CCL26: variants seen among roughly 807,000 people sequenced by gnomAD.
CCL26 encodes C-C motif chemokine ligand 26.
CCL26 carries 10 observed loss-of-function variants against 10.7 expected under a neutral mutation model. The ratio of observed to expected loss-of-function variants is 0.93; its 90% confidence interval spans 0.57 to 1.58. The LOEUF (loss-of-function observed/expected upper bound fraction) is 1.58, where lower values mean the gene tolerates loss of function less well. Ranked by LOEUF, CCL26 falls within the 40% of genes most tolerant of loss-of-function variation. CCL26 has a pLI of 0.00. For synonymous variants in CCL26, 43 were observed against 41.4 expected, an observed-to-expected ratio of 1.04 and a Z score of -0.15; for missense variants, 116 against 111.0, an observed-to-expected ratio of 1.05 and a Z score of -0.20.
chr7:75,776,553 GA>G (rs1554528729), upstream of CCL26, among the ~76,000 whole-genome samples: 1 of 107,330 alleles, frequency 9.3e-6, no homozygotes, highest in East Asian at 3.5e-4. Context: ...AGGAAGGAAG[GA>G]AGGAAGGAAG....
At chr7:75,783,715 A>T (rs1286838173) in intron 1 of CCL26, among the ~76,000 whole-genome samples, 1 of 148,000 alleles carries the variant, frequency 6.8e-6, no homozygotes, top group African/African-American at 2.5e-5. Context: ...TGAACCCGGT[A>T]GGTGGAGCTT....
intron 1 of CCL26, among the ~76,000 whole-genome samples, chr7:75,777,383 A>G (rs538365377): frequency 2.8e-4 from 42 of 152,314 alleles, no homozygotes; most frequent in Non-Finnish European, 4.7e-4. Context: ...TTAATAACAT[A>G]ATACAATACT....
upstream of CCL26, among the ~76,000 whole-genome samples, chr7:75,790,777 C>G (rs1554530731): frequency 6.6e-6 from 1 of 151,874 alleles, no homozygotes. Flanking sequence ...AATCCCGTCT[C>G]TATTAAAAAT....
chr7:75,776,229 GC>G (rs1802937607), upstream of CCL26, among the ~76,000 whole-genome samples: 1 of 151,496 alleles, frequency 6.6e-6, no homozygotes. Flanking sequence ...ACACCACCAT[GC>G]CCGACTAATT....
At chr7:75,776,238 A>G (rs1397662467), upstream of CCL26, among the ~76,000 whole-genome samples, 1 of 151,484 alleles carries the variant, frequency 6.6e-6, no homozygotes, top group African/African-American at 2.4e-5. Context: ...TGCCCGACTA[A>G]TTTTTGTATT....
intron 1 of CCL26, among the ~76,000 whole-genome samples, chr7:75,778,848 T>C (rs1328509577): frequency 1.3e-5 from 2 of 149,142 alleles, no homozygotes; most frequent in African/African-American, 5.1e-5. Flanking sequence ...GAGGCCAAGG[T>C]GGGGGGGGCA....
chr7:75,783,100 G>T (rs578162256), intron 1 of CCL26, among the ~76,000 whole-genome samples: 3 of 152,246 alleles, frequency 2.0e-5, no homozygotes, highest in African/African-American at 7.2e-5. Flanking sequence ...GAGGTGGTTG[G>T]AGCTGAAGAC....
At chr7:75,790,194 T>C (rs1454677990), upstream of CCL26, among the ~76,000 whole-genome samples, 1,814 of 97,618 alleles carry the variant, frequency 0.019, 37 homozygotes, top group South Asian at 0.071. Context: ...TTTCTTTCTT[T>C]CTTTCTTTCT....
chr7:75,786,003 C>T (rs1803177459), intron 1 of CCL26, among the ~76,000 whole-genome samples: 1 of 152,200 alleles, frequency 6.6e-6, no homozygotes, highest in Non-Finnish European at 1.5e-5. Context: ...AAACTATGCT[C>T]AACTCACTCT....
Position 75,769,744 on chromosome 7 carries a change from T to C in CCL26, c.234A>G (p.Lys78=). ...RGKKVCTHPR[K]KWVQKYISLL... is the part of the protein sequence containing the mutation. ...AAGAAATGTATTTTTGCACCCATTT[T>C]TTCCTTGGATGGGTACAGACTTTCT... Residue 78 remains lysine (K), a synonymous_variant, in exon 3 of 3, where the codon AAA becomes AAG. Transcript: ENST00000005180. 1 of 1,612,958 alleles carries C rather than the reference T, an allele frequency of 6.2e-7. No individual in the cohort carries two copies. Among genetic ancestry groups the C allele is most frequent in the Non-Finnish European group, 8.5e-7 (1 of 1,178,890 alleles).
intron 1 of CCL26, among the ~76,000 whole-genome samples, chr7:75,779,299 C>T (rs73134103): frequency 0.27 from 41,687 of 151,990 alleles, 6,066 homozygotes; most frequent in African/African-American, 0.36. Flanking sequence ...TTCACACGGA[C>T]GCGAGTGGAA....
chr7:75,780,899 G>C (rs1049715690), intron 1 of CCL26, among the ~76,000 whole-genome samples: 2 of 152,064 alleles, frequency 1.3e-5, no homozygotes, highest in Non-Finnish European at 2.9e-5. Context: ...CCGGCTTACA[G>C]TTTCGTTCCA....
upstream of CCL26, among the ~76,000 whole-genome samples, chr7:75,772,672 A>G (rs1802854517): frequency 6.6e-6 from 1 of 151,610 alleles, no homozygotes; most frequent in Non-Finnish European, 1.5e-5. Flanking sequence ...AAAAAAACAA[A>G]CAAACAAACA....
At chr7:75,789,096 A>AT (rs527793902) in intron 1 of CCL26, among the ~76,000 whole-genome samples, 17,843 of 110,764 alleles carry the variant, frequency 0.16, 1,644 homozygotes, top group Middle Eastern at 0.22. Flanking sequence ...TCATTTTTTG[A>AT]TTTTTTTTTT....
At chr7:75,774,559 G>T (rs1176985830), upstream of CCL26, among the ~76,000 whole-genome samples, 1 of 151,978 alleles carries the variant, frequency 6.6e-6, no homozygotes, top group African/African-American at 2.4e-5. Flanking sequence ...TGATTCTTCT[G>T]CCTCAGCCTC....
chr7:75,785,614 T>G (rs1219492158), intron 1 of CCL26, among the ~76,000 whole-genome samples: 1 of 152,170 alleles, frequency 6.6e-6, no homozygotes, highest in Non-Finnish European at 1.5e-5. Flanking sequence ...CAACAAGTCC[T>G]TTCCTTCCTG....
At chr7:75,788,247 G>C (rs1206744466) in intron 1 of CCL26, among the ~76,000 whole-genome samples, 1 of 152,130 alleles carries the variant, frequency 6.6e-6, no homozygotes, top group Non-Finnish European at 1.5e-5. Context: ...AGTAACTGAA[G>C]AATCACAAAA....
upstream of CCL26, among the ~76,000 whole-genome samples, chr7:75,773,520 G>A (rs2115646056): frequency 6.6e-6 from 1 of 152,208 alleles, no homozygotes; most frequent in Non-Finnish European, 1.5e-5. Flanking sequence ...CTTCAAAAAT[G>A]TTGGGATTAC....
chr7:75,772,233 CT>C, upstream of CCL26: 1 of 1,299,824 alleles, frequency 7.7e-7, no homozygotes, highest in Non-Finnish European at 1.1e-6. Context: ...GCCTGATCCC[CT>C]TTTATGAGAC....
Sources: gnomAD v4.1 joint callset for allele counts (sites outside exome capture counted in the v4.1 genomes callset) on GRCh38, gnomAD v4.1.1 for gene constraint, MANE v1.5 for transcripts, NCBI Gene and HGNC (gene_info 2026-07-23, HGNC 2026-07-21) for gene names.